Variants in SYTL2 observed in about 807,000 individuals in gnomAD.
SYTL2 encodes the protein synaptotagmin-like protein 2.
Under a neutral mutation model 198.7 loss-of-function variants are expected in SYTL2, and 165 were observed. The ratio of observed to expected loss-of-function variants is 0.83; its 90% confidence interval spans 0.73 to 0.94. The LOEUF (loss-of-function observed/expected upper bound fraction) is 0.94, where lower values mean the gene tolerates loss of function less well. Ranked by LOEUF, SYTL2 falls within the 40% of genes least tolerant of loss-of-function variation. SYTL2 has a pLI of 0.00. For missense variants in SYTL2, 2,835 were observed against 2,582.8 expected, an observed-to-expected ratio of 1.10 and a Z score of -2.12; for synonymous variants, 966 against 917.7, an observed-to-expected ratio of 1.05 and a Z score of -0.95.
At chr11:85,842,956 G>A in the SYTL2 span, among the ~76,000 whole-genome samples, 1 of 152,190 alleles carries the variant, frequency 6.6e-6, no homozygotes, top group African/African-American at 2.4e-5. Flanking sequence ...ACTTTTGGAT[G>A]AAAATTAATG....
chr11:85,719,008 CCTT>C (rs1296614186), intron 9 of SYTL2, 165 bp from the exon 10 acceptor site: 25 of 1,528,420 alleles, frequency 1.6e-5, no homozygotes, highest in Non-Finnish European at 2.2e-5. Flanking sequence ...TAGATTAGCT[CCTT>C]GAGCCAGTGC....
intron 6 of SYTL2, 146 bp from the exon 7 acceptor site, chr11:85,734,888 G>A: frequency 1.4e-6 from 1 of 697,590 alleles, no homozygotes; most frequent in East Asian, 2.8e-5. Flanking sequence ...GGCCTAATGT[G>A]AAAAGCTTTT....
At chr11:85,837,221 A>G in the SYTL2 span, among the ~76,000 whole-genome samples, 27 of 152,298 alleles carry the variant, frequency 1.8e-4, no homozygotes, top group African/African-American at 7.2e-5. Flanking sequence ...CTAACCCACA[A>G]TGTGATTGTA....
intron 1 of SYTL2, among the ~76,000 whole-genome samples, chr11:85,790,378 G>T (rs1000945647): frequency 1.3e-5 from 2 of 152,108 alleles, no homozygotes; most frequent in African/African-American, 2.4e-5. Context: ...CACAACCCCT[G>T]ACTAGCTGTA....
chr11:85,781,205 A>G (rs1056402679), intron 1 of SYTL2, among the ~76,000 whole-genome samples: 2 of 152,188 alleles, frequency 1.3e-5, no homozygotes, highest in African/African-American at 4.8e-5. Flanking sequence ...GGAAGCAAAC[A>G]CATCCTTCTT....
intron 1 of SYTL2, among the ~76,000 whole-genome samples, chr11:85,810,089 C>CACCGGGCTTCCTCTGCACATCCCT: frequency 6.6e-6 from 1 of 152,316 alleles, no homozygotes; most frequent in South Asian, 2.1e-4. Context: ...TCTGAAGCCC[C>CACCGGGCTTCCTCTGCACATCCCT]ACCGGGCTTC....
chr11:85,844,604 G>A, the SYTL2 span, among the ~76,000 whole-genome samples: 1 of 152,184 alleles, frequency 6.6e-6, no homozygotes, highest in African/African-American at 2.4e-5. Flanking sequence ...TCAGAGATTA[G>A]GCAAGCTGAT....
rs183440844 is a variant in SYTL2, at chr11:85,774,694, T to C, written c.-389-16580A>G. ...AGAGCAAGCAGGAAGTATGAGGTTA[T>C]AGCATCAGCAAATCTATTTCTCCTA... On this transcript the variant is annotated intron_variant, in intron 1 of 19. Coordinates refer to ENST00000359152, the MANE Select transcript of SYTL2 (RefSeq NM_206927.4). Among the ~76,000 whole-genome samples, 60 of 152,346 alleles carry C rather than the reference T, an allele frequency of 3.9e-4. No homozygotes were observed. The East Asian group carries it at 0.011, about 27-fold the overall frequency.
At chr11:85,761,351 T>C (rs557704787) in intron 1 of SYTL2, among the ~76,000 whole-genome samples, 33 of 152,160 alleles carry the variant, frequency 2.2e-4, no homozygotes, top group African/African-American at 7.9e-4. Flanking sequence ...GTGACAGCGA[T>C]GAGGAAACAA....
At position 85,758,012 on chromosome 11, in the gene SYTL2, C is replaced by A; in HGVS notation, c.-287G>T. On this transcript the variant is annotated 5_prime_UTR_variant, in exon 2 of 20. Transcript: ENST00000359152. ...AACAGGTCGCTTGTTCCTATGGTGG[C>A]TTCCAGCACACTCACTCTCTGGTCC... The A allele has an allele frequency of 2.9e-6, 1 of 341,450 alleles. No individual in the cohort carries two copies. 21.2% of individuals were successfully genotyped at this position (341,450 alleles called of 1,614,324 possible).
intron 1 of SYTL2, among the ~76,000 whole-genome samples, chr11:85,768,791 A>C (rs949692729): frequency 1.3e-5 from 2 of 152,072 alleles, no homozygotes; most frequent in South Asian, 4.1e-4. Context: ...GGTAGGAGAA[A>C]AGTTGGGTGA....
intron 1 of SYTL2, among the ~76,000 whole-genome samples, chr11:85,793,632 A>G (rs1317901891): frequency 6.6e-6 from 1 of 152,202 alleles, no homozygotes. Context: ...CATAACCAAT[A>G]TTTTATAACC....
At chr11:85,706,963 C>T (rs1020192283) in intron 15 of SYTL2, among the ~76,000 whole-genome samples, 1 of 152,114 alleles carries the variant, frequency 6.6e-6, no homozygotes, top group South Asian at 2.1e-4. Flanking sequence ...GCCTCAGCTT[C>T]CCAAGTAGCT....
the SYTL2 span, among the ~76,000 whole-genome samples, chr11:85,829,293 A>G: frequency 2.6e-5 from 4 of 152,080 alleles, no homozygotes; most frequent in African/African-American, 9.7e-5. Context: ...ATGTGTATTC[A>G]ATATTTAGCT....
the SYTL2 span, among the ~76,000 whole-genome samples, chr11:85,833,528 C>A: frequency 6.6e-6 from 1 of 151,094 alleles, no homozygotes; most frequent in African/African-American, 2.4e-5. Context: ...CATTTGGACA[C>A]TGGGGAGAAG....
chr11:85,847,331 A>T, the SYTL2 span, among the ~76,000 whole-genome samples: 7 of 151,956 alleles, frequency 4.6e-5, no homozygotes, highest in Non-Finnish European at 5.9e-5. Context: ...ACTTAGCTCA[A>T]TTCTTTTGAG....
chr11:85,770,685 T>C (rs770844997), intron 1 of SYTL2, among the ~76,000 whole-genome samples: 1 of 152,186 alleles, frequency 6.6e-6, no homozygotes, highest in Non-Finnish European at 1.5e-5. Flanking sequence ...CTACCTGGAA[T>C]GTCTTTACCT....
chr11:85,752,675 T>G (rs2091582655), intron 2 of SYTL2, among the ~76,000 whole-genome samples: 1 of 151,886 alleles, frequency 6.6e-6, no homozygotes, highest in African/African-American at 2.4e-5. Flanking sequence ...GTAAGGGAAG[T>G]GCACAGGCCT....
chr11:85,799,180 C>T (rs990050810), intron 1 of SYTL2, among the ~76,000 whole-genome samples: 1 of 152,306 alleles, frequency 6.6e-6, no homozygotes, highest in South Asian at 2.1e-4. Context: ...AAAATATATT[C>T]ATTTAACACA....
Sources: allele counts gnomAD v4.1 joint callset (sites outside exome capture counted in the v4.1 genomes callset), GRCh38; gene constraint gnomAD v4.1.1; transcripts MANE v1.5; gene names NCBI Gene and HGNC (gene_info 2026-07-23, HGNC 2026-07-21).